The following ESRRG variants were observed in gnomAD, a reference collection of about 807,000 sequenced individuals.
ESRRG encodes the protein estrogen related receptor gamma, also known as estrogen-related receptor gamma.
A neutral mutation model predicts 44.0 loss-of-function variants in ESRRG; 13 were observed. That is an observed-to-expected ratio of 0.30 (90% CI 0.19 to 0.47). The LOEUF (loss-of-function observed/expected upper bound fraction) is 0.47, where lower values mean the gene tolerates loss of function less well. Ranked by LOEUF, ESRRG falls within the 20% of genes least tolerant of loss-of-function variation. The pLI is 1.00. For missense variants in ESRRG, 395 were observed against 580.6 expected (o/e 0.68, Z 3.29); for synonymous variants, 215 against 214.6 (o/e 1.00, Z -0.02).
At chr1:216,883,963 A>C (rs552296299) in intron 2 of ESRRG, among the ~76,000 whole-genome samples, 4 of 152,246 alleles carry the variant, frequency 2.6e-5, no homozygotes, top group Non-Finnish European at 5.9e-5. Flanking sequence ...AAAATTAAAT[A>C]GTCATATTTT....
chr1:216,590,577 C>T (rs2057478904), intron 3 of ESRRG, among the ~76,000 whole-genome samples: 1 of 152,184 alleles, frequency 6.6e-6, no homozygotes, highest in African/African-American at 2.4e-5. Flanking sequence ...AATTGTTTCA[C>T]TTACGAAGGA....
chr1:216,511,547 T>TCA (rs79870471), intron 6 of ESRRG, among the ~76,000 whole-genome samples: 14 of 144,940 alleles, frequency 9.7e-5, no homozygotes, highest in African/African-American at 2.0e-4. Flanking sequence ...ATACATAAAT[T>TCA]CACACACACA....
intron 2 of ESRRG, among the ~76,000 whole-genome samples, chr1:216,795,859 G>T (rs1470715307): frequency 1.3e-5 from 2 of 152,128 alleles, no homozygotes; most frequent in African/African-American, 4.8e-5. Flanking sequence ...CATGGTATAT[G>T]AAGTTGCAAA....
intron 2 of ESRRG, among the ~76,000 whole-genome samples, chr1:216,937,842 A>G (rs2064410413): frequency 6.6e-6 from 1 of 152,124 alleles, no homozygotes; most frequent in African/African-American, 2.4e-5. Context: ...ACTTTTACAC[A>G]CATGCATAAT....
At chr1:216,595,952 T>A (rs1356909672) in intron 3 of ESRRG, among the ~76,000 whole-genome samples, 3 of 152,246 alleles carry the variant, frequency 2.0e-5, no homozygotes, top group African/African-American at 7.2e-5. Context: ...ATGTTTCATA[T>A]GCATGATTTT....
chr1:216,602,958 C>A (rs180911698), intron 3 of ESRRG, among the ~76,000 whole-genome samples: 2 of 152,204 alleles, frequency 1.3e-5, no homozygotes, highest in East Asian at 1.9e-4. Flanking sequence ...ATCTATATAG[C>A]CCCATCTATA....
chr1:216,826,018 C>T (rs12086610), intron 2 of ESRRG, among the ~76,000 whole-genome samples: 6,229 of 152,188 alleles, frequency 0.041, 145 homozygotes, highest in Middle Eastern at 0.061. Context: ...AACTCCCACT[C>T]AAGTTGCTTG....
Position 216,594,989 on chromosome 1 carries a change from C to G in ESRRG, c.590-26891G>C, listed in dbSNP as rs116264385. ...ACAAGAGGCAACCACTTCAACCATC[C>G]TGCAGAAAGTAGACTATGGCTAGAG... On this transcript the variant is annotated intron_variant, in intron 3 of 6. Transcript: ENST00000408911. Among the ~76,000 whole-genome samples the G allele has an allele frequency of 2.3e-3, 346 of 152,292 alleles. 1 individual carries two copies. The highest frequency in any genetic ancestry group is 8.1e-3 in the African/African-American group (338 of 41,558).
At chr1:216,521,657 C>G (rs934025813) in intron 5 of ESRRG, among the ~76,000 whole-genome samples, 1 of 152,164 alleles carries the variant, frequency 6.6e-6, no homozygotes, top group African/African-American at 2.4e-5. Context: ...TTTACACATT[C>G]TCCAATCTCC....
At chr1:216,688,695 G>A (rs1453490923) in intron 1 of ESRRG, among the ~76,000 whole-genome samples, 1 of 151,786 alleles carries the variant, frequency 6.6e-6, no homozygotes, top group Non-Finnish European at 1.5e-5. Context: ...GTTCATATTT[G>A]GGGTAAAAAA....
At chr1:216,852,513 C>A (rs1412670168) in intron 2 of ESRRG, among the ~76,000 whole-genome samples, 1 of 152,068 alleles carries the variant, frequency 6.6e-6, no homozygotes, top group Non-Finnish European at 1.5e-5. Flanking sequence ...GCATATCTTG[C>A]GTTTTATTTC....
chr1:217,030,371 T>C (rs1011446325), intron 1 of ESRRG, among the ~76,000 whole-genome samples: 4 of 152,114 alleles, frequency 2.6e-5, no homozygotes, highest in Non-Finnish European at 5.9e-5. Flanking sequence ...ACTCAACCAT[T>C]TTCCTATGAC....
intron 2 of ESRRG, among the ~76,000 whole-genome samples, chr1:216,875,648 ATT>A (rs1453992341): frequency 1.1e-4 from 17 of 151,936 alleles, no homozygotes; most frequent in African/African-American, 3.9e-4. Context: ...ATTTATTTAT[ATT>A]CATTTATTAC....
rs1194881827 is a variant in ESRRG at position 216,629,528 on chromosome 1, T to C, written c.589+21445A>G. On this transcript the variant is annotated intron_variant, in intron 3 of 6. Coordinates refer to ENST00000408911, the MANE Select transcript of ESRRG (RefSeq NM_001438.4). ...TAACTCCAATATCTAAGTCACTCCCTGGGGAGAATTTGGCTCTTATATAGG... is the reference window on the plus strand; with the variant it reads ...TAACTCCAATATCTAAGTCACTCCCCGGGGAGAATTTGGCTCTTATATAGG... Among the ~76,000 whole-genome samples the C allele has an allele frequency of 2.0e-5, 3 of 152,164 alleles. No individual in the cohort carries two copies. In the East Asian group the frequency reaches 5.8e-4, roughly 29 times the overall value.
At chr1:216,560,173 G>A (rs2058439652) in intron 5 of ESRRG, among the ~76,000 whole-genome samples, 1 of 152,052 alleles carries the variant, frequency 6.6e-6, no homozygotes, top group Admixed American at 6.6e-5. Flanking sequence ...TTCTTTTAGA[G>A]TTTAATAACT....
chr1:216,796,345 A>G (rs1559671761), intron 2 of ESRRG, among the ~76,000 whole-genome samples: 1 of 152,102 alleles, frequency 6.6e-6, no homozygotes. Flanking sequence ...TGCTCTGGAG[A>G]AAAAGAATGT....
At chr1:216,961,654 G>A (rs2069105726) in intron 1 of ESRRG, among the ~76,000 whole-genome samples, 1 of 148,702 alleles carries the variant, frequency 6.7e-6, no homozygotes, top group Non-Finnish European at 1.5e-5. Flanking sequence ...ATTTTAGGCT[G>A]TTTTCTACGG....
intron 1 of ESRRG, among the ~76,000 whole-genome samples, chr1:217,039,769 C>A (rs1442276245): frequency 6.6e-6 from 1 of 152,180 alleles, no homozygotes; most frequent in East Asian, 1.9e-4. Flanking sequence ...GTTTTTACAA[C>A]CTTTTGATAT....
At chr1:217,052,706 G>A (rs1350521803) in intron 1 of ESRRG, among the ~76,000 whole-genome samples, 1 of 152,136 alleles carries the variant, frequency 6.6e-6, no homozygotes, top group Non-Finnish European at 1.5e-5. Context: ...TTTTAGAAGA[G>A]GATAGCTTCT....
Sources: gnomAD v4.1 joint callset for allele counts (sites outside exome capture counted in the v4.1 genomes callset) on GRCh38, gnomAD v4.1.1 for gene constraint, MANE v1.5 for transcripts, NCBI Gene and HGNC (gene_info 2026-07-23, HGNC 2026-07-21) for gene names.